The following BRCA1 variants were observed in gnomAD, a reference collection of about 807,000 sequenced individuals.
BRCA1 encodes the protein BRCA1 DNA repair associated.
Under a neutral mutation model 173.7 loss-of-function variants are expected in BRCA1, and 140 were observed. The observed-to-expected ratio is 0.81, with a 90% confidence interval of 0.70 to 0.93. The LOEUF (loss-of-function observed/expected upper bound fraction) is 0.93, where lower values mean the gene tolerates loss of function less well. Among genes scored for constraint, BRCA1 ranks in the 40% least tolerant of loss-of-function variants. The pLI is 0.00. For synonymous variants in BRCA1, 662 were observed against 756.0 expected (o/e 0.88, Z 2.04); for missense variants, 1,983 against 2,172.5 (o/e 0.91, Z 1.73).
intron 2 of BRCA1, among the ~76,000 whole-genome samples, chr17:43,117,950 T>C (rs557068797): frequency 1.3e-5 from 2 of 152,270 alleles, no homozygotes; most frequent in African/African-American, 2.4e-5. Flanking sequence ...CCTGCTCTCA[T>C]AGAGCTCATA....
In BRCA1 at chr17:43,094,718, C is replaced by T. The variant is rs2054043820; in HGVS notation, c.813G>A (p.Val271=). ...CATGAGTATTTGTGCCACATGGCTC[C>T]ACATGCAAGTTTGAAACAGAACTAC... ...YQGSSVSNLH[V]EPCGTNTHAS... The change falls in exon 10 of 23, where the codon GTG becomes GTA. Residue 271 remains valine, a synonymous_variant. Transcript: ENST00000357654. 2 of 1,611,726 alleles carry T rather than the reference C, an allele frequency of 1.2e-6. No individual in the cohort carries two copies. The highest frequency in any genetic ancestry group is 1.7e-6 in the Non-Finnish European group (2 of 1,178,380).
At position 43,076,627 on chromosome 17, in the gene BRCA1, T is replaced by C. The variant is rs1567780008; in HGVS notation, c.4358-13A>G. On this transcript the variant is annotated splice_polypyrimidine_tract_variant and intron_variant, in intron 12 of 22. Coordinates refer to ENST00000357654, the MANE Select transcript of BRCA1 (RefSeq NM_007294.4). ...GAAGTTAATACTGCTTTAAATGGAA[T>C]GAGAAAACAAATCTACTTTACTGCT... is the stretch of plus-strand genomic sequence containing the variant. 1 of 1,612,460 alleles carries C rather than the reference T, an allele frequency of 6.2e-7. No homozygotes were observed. The highest frequency in any genetic ancestry group is 8.5e-7 in the Non-Finnish European group (1 of 1,179,216).
In BRCA1 at chr17:43,090,986, G is replaced by C. The variant is rs1567788391; in HGVS notation, c.4143C>G (p.Asp1381Glu). The C allele has an allele frequency of 6.2e-7, 1 of 1,612,934 alleles. No individual in the cohort carries two copies. The highest frequency in any genetic ancestry group is 8.5e-7 in the Non-Finnish European group (1 of 1,179,586). ...GCESETSVSE[D>E]CSGLSSQSDI... ...CACTCTGAGAGGATAGCCCTGAGCA[G>C]TCTTCAGAGACGCTTGTTTCACTCT... The change falls in exon 11 of 23, where the codon GAC (aspartate) becomes GAG (glutamate). Residue 1381 changes from aspartate (D) to glutamate (E), a missense_variant. By Grantham distance (45) the Asp-to-Glu change is conservative. Coordinates refer to ENST00000357654, the MANE Select transcript of BRCA1 (RefSeq NM_007294.4).
Position 43,076,449 on chromosome 17 carries a change from T to C in BRCA1, c.4484+39A>G, listed in dbSNP as rs371380546. ...AATCAGAGTTCAATATAAATAAAGA[T>C]GTCAGATACCACAGCATCTTTACAT... is the stretch of plus-strand genomic sequence containing the variant. On this transcript the variant is annotated intron_variant, in intron 13 of 22. Transcript: ENST00000357654. The C allele has an allele frequency of 6.3e-5, 101 of 1,609,302 alleles. No homozygotes were observed. The African/African-American group carries it at 1.3e-3, about 20-fold the overall frequency.
chr17:43,063,943 A>G lies in BRCA1; in HGVS notation c.5083T>C (p.Phe1695Leu), dbSNP rs2051934276. ...TATTTCAGTGTCCGTTCACACACAA[A>G]CTCAGCATCTGCAGAATGAAAAACA... ...THVVMKTDAE[F>L]VCERTLKYFL... Residue 1695 changes from phenylalanine to leucine, a missense_variant, in exon 17 of 23, where the codon TTT becomes CTT. Coordinates refer to ENST00000357654, the MANE Select transcript of BRCA1 (RefSeq NM_007294.4). 2 of 1,614,098 alleles carry G rather than the reference A, an allele frequency of 1.2e-6. No individual in the cohort carries two copies. The highest frequency in any genetic ancestry group is 1.7e-6 in the Non-Finnish European group (2 of 1,179,958).
At chr17:43,064,848 TGAGATGC>T (rs2051988208) in intron 16 of BRCA1, among the ~76,000 whole-genome samples, 1 of 126,978 alleles carries the variant, frequency 7.9e-6, no homozygotes, top group African/African-American at 3.3e-5. Flanking sequence ...TTTTTTTTTT[TGAGATGC>T]AGTCTTGCTC....
chr17:43,167,683 G>A (rs2056276870), intron 1 of BRCA1: 1 of 151,984 alleles, frequency 6.6e-6, no homozygotes, highest in Non-Finnish European at 1.5e-5. Flanking sequence ...AATATGAGGG[G>A]TGGTCTCCTC....
intron 1 of BRCA1, chr17:43,167,366 C>T (rs984585303): frequency 3.3e-5 from 5 of 152,194 alleles, no homozygotes; most frequent in Admixed American, 6.6e-5. Context: ...AATTCCTGTC[C>T]CTTTTAAGGG....
At chr17:43,137,648 A>G (rs1305745128) in intron 1 of BRCA1, among the ~76,000 whole-genome samples, 3 of 152,124 alleles carry the variant, frequency 2.0e-5, no homozygotes, top group African/African-American at 4.8e-5. Context: ...TGGGAGGTCA[A>G]GGTGAGCGGA....
intron 12 of BRCA1, chr17:43,079,191 A>T: frequency 1.4e-6 from 1 of 733,776 alleles, no homozygotes; most frequent in Non-Finnish European, 2.3e-6. Flanking sequence ...AAACAAAACA[A>T]AACAAAACAA....
At position 43,135,248 on chromosome 17, in the gene BRCA1, G is replaced by A. The variant is rs369230592; in HGVS notation, c.-19-11133C>T. Among the ~76,000 whole-genome samples the A allele has an allele frequency of 4.6e-5, 7 of 152,340 alleles. No homozygotes were observed. The South Asian group carries it at 8.3e-4, about 18-fold the overall frequency. ...GCTTCAGCCTCGGTCCAAAAGGATC[G>A]GAGCCCCCTGGCCGATCCGCAGGCC... is the stretch of plus-strand genomic sequence containing the variant. On this transcript the variant is annotated intron_variant, in intron 1 of 7. Transcript: ENST00000634433.
chr17:43,078,865 G>T (rs576667957), intron 12 of BRCA1, among the ~76,000 whole-genome samples: 53 of 152,184 alleles, frequency 3.5e-4, no homozygotes, highest in Non-Finnish European at 6.6e-4. Context: ...TAATGTGCAA[G>T]TTCCAAGGAA....
chr17:43,106,578 T>C, intron 3 of BRCA1, 45 bp from the exon 4 acceptor site: 2 of 1,415,202 alleles, frequency 1.4e-6, no homozygotes, highest in Non-Finnish European at 2.0e-6. Flanking sequence ...TTACTTCCTT[T>C]TGTAGAAAGA....
intron 8 of BRCA1, among the ~76,000 whole-genome samples, chr17:43,096,376 C>CAAA (rs71160005): frequency 4.0e-5 from 3 of 74,220 alleles, no homozygotes; most frequent in African/African-American, 1.5e-4. Context: ...GACTCTGTCT[C>CAAA]AAAAAAAAAA....
At position 43,092,364 on chromosome 17, in the gene BRCA1, G is replaced by C. The variant is rs587781588; in HGVS notation, c.3167C>G (p.Ser1056Cys). 2 of 1,613,758 alleles carry C rather than the reference G, an allele frequency of 1.2e-6. No homozygotes were observed. The highest frequency in any genetic ancestry group is 1.3e-5 in the African/African-American group (1 of 74,946). ...ACTGGAACCTATTTCATTAATACTG[G>C]AGCCCACTTCATTAGTACTGGAACC... is the stretch of plus-strand genomic sequence containing the variant. Reference protein sequence around the residue: ...EVGSSTNEVGSSINEIGSSDE... With the variant: ...EVGSSTNEVGCSINEIGSSDE... Residue 1056 changes from serine (S) to cysteine (C), a missense_variant, in exon 10 of 23, where the codon TCC becomes TGC. By Grantham distance (112) the Ser-to-Cys change is moderately radical. Transcript: ENST00000357654.
At chr17:43,116,036 T>C (rs903811867) in intron 2 of BRCA1, among the ~76,000 whole-genome samples, 1 of 152,186 alleles carries the variant, frequency 6.6e-6, no homozygotes, top group Non-Finnish European at 1.5e-5. Flanking sequence ...CTCTATACTA[T>C]CATCAGCATT....
chr17:43,154,775 C>G (rs2056186059), intron 1 of BRCA1, among the ~76,000 whole-genome samples: 1 of 151,302 alleles, frequency 6.6e-6, no homozygotes, highest in South Asian at 2.1e-4. Context: ...GTGTGGTAGA[C>G]AGTTGATGCA....
At chr17:43,125,524 C>T (rs112960339), upstream of BRCA1, 792 of 324,762 alleles carry the variant, frequency 2.4e-3, 12 homozygotes, top group African/African-American at 0.016. Context: ...AAGCGTCTCT[C>T]GGGGCTCTGG....
intron 11 of BRCA1, among the ~76,000 whole-genome samples, chr17:43,083,626 T>G (rs2053115055): frequency 6.6e-6 from 1 of 152,168 alleles, no homozygotes; most frequent in Admixed American, 6.5e-5. Context: ...TCATCTAGAA[T>G]GTGTCCACCT....
Sources: allele counts gnomAD v4.1 joint callset (sites outside exome capture counted in the v4.1 genomes callset), GRCh38; gene constraint gnomAD v4.1.1; transcripts MANE v1.5; gene names NCBI Gene and HGNC (gene_info 2026-07-23, HGNC 2026-07-21).